CETN3: variants seen among roughly 807,000 people sequenced by gnomAD.
CETN3 encodes centrin 3.
CETN3 carries 17 observed loss-of-function variants against 20.1 expected under a neutral mutation model. The observed-to-expected ratio is 0.85, with a 90% CI of 0.58 to 1.27. The LOEUF (loss-of-function observed/expected upper bound fraction) is 1.27. Ranked by LOEUF, CETN3 falls within the 50% of genes most tolerant of loss-of-function variation. CETN3 has a pLI of 0.00. For synonymous variants in CETN3, 52 were observed against 59.7 expected, an observed-to-expected ratio of 0.87 and a Z score of 0.59; for missense variants, 169 against 191.2, an observed-to-expected ratio of 0.88 and a Z score of 0.69.
intron 3 of CETN3, among the ~76,000 whole-genome samples, chr5:90,401,775 T>C (rs1749297759): frequency 6.6e-6 from 1 of 152,182 alleles, no homozygotes; most frequent in Non-Finnish European, 1.5e-5. Flanking sequence ...AGATTCCATA[T>C]TTGAAAAGCA....
At chr5:90,405,982 A>G (rs957669497) in intron 2 of CETN3, among the ~76,000 whole-genome samples, 183 bp from the exon 3 acceptor site, 10 of 152,204 alleles carry the variant, frequency 6.6e-5, no homozygotes, top group Admixed American at 4.6e-4. Flanking sequence ...TTAAGTATGC[A>G]TAAGTTTTTT....
At chr5:90,403,664 G>T (rs891100353) in intron 3 of CETN3, among the ~76,000 whole-genome samples, 1 of 151,622 alleles carries the variant, frequency 6.6e-6, no homozygotes, top group Non-Finnish European at 1.5e-5. Flanking sequence ...GAGGTCAGGA[G>T]ATCGAGACCA....
rs762767114 is a variant in CETN3, at chr5:90,399,318, A to C, written c.460+40T>G. ...TAGAAAAATGTATTACATGTGTAGC[A>C]TCAGGAAAACCTGGAAAATACGTTT... On this transcript the variant is annotated intron_variant, in intron 4 of 4. Transcript: ENST00000283122. 5 of 1,594,924 alleles carry C rather than the reference A, an allele frequency of 3.1e-6. No individual in the cohort carries two copies. In the African/African-American group the frequency reaches 5.4e-5, roughly 17 times the overall value.
chr5:90,399,732 A>G (rs1042697010), intron 3 of CETN3, among the ~76,000 whole-genome samples, 183 bp from the exon 4 acceptor site: 3 of 152,210 alleles, frequency 2.0e-5, no homozygotes, highest in Non-Finnish European at 4.4e-5. Flanking sequence ...AATCAAATCC[A>G]TATTTTAAAT....
At chr5:90,408,356 T>C (rs1450160430) in intron 1 of CETN3, among the ~76,000 whole-genome samples, 2 of 152,254 alleles carry the variant, frequency 1.3e-5, no homozygotes, top group African/African-American at 4.8e-5. Context: ...TTTAGCACTG[T>C]TGGTTCAAAA....
intron 3 of CETN3, among the ~76,000 whole-genome samples, chr5:90,403,849 C>G (rs1235912267): frequency 8.9e-6 from 1 of 112,124 alleles, no homozygotes; most frequent in East Asian, 2.9e-4. Flanking sequence ...CCAGCCTGGG[C>G]GACAGAGCGA....
chr5:90,405,624 G>A (rs1197202263), intron 3 of CETN3, 61 bp downstream of exon 3: 7 of 1,063,274 alleles, frequency 6.6e-6, no homozygotes, highest in Non-Finnish European at 1.0e-5. Flanking sequence ...AATTTAAAAA[G>A]TGATATTAAT....
At chr5:90,404,817 T>C (rs1749391381) in intron 3 of CETN3, among the ~76,000 whole-genome samples, 1 of 151,384 alleles carries the variant, frequency 6.6e-6, no homozygotes, top group African/African-American at 2.4e-5. Context: ...ATTTTTAAAA[T>C]ATCTTAAAAT....
chr5:90,405,895 T>C, intron 2 of CETN3, 96 bp from the exon 3 acceptor site: 1 of 723,274 alleles, frequency 1.4e-6, no homozygotes, highest in Non-Finnish European at 2.3e-6. Context: ...GACAACACAT[T>C]AATAAAATAT....
Position 90,392,718 on chromosome 5 carries a change from C to T in CETN3, c.*1346G>A, listed in dbSNP as rs1047365556. 3 of 152,272 alleles carry T rather than the reference C, an allele frequency of 2.0e-5. No homozygotes were observed. Among genetic ancestry groups the T allele is most frequent in the Non-Finnish European group, 2.9e-5 (2 of 68,026 alleles). The allele number at this position is 152,272 out of a possible 1,614,324, so 9.4% of individuals were successfully genotyped here. A position where few individuals can be genotyped will look rare whatever the true frequency, so the allele number is the denominator to read the frequency against. On this transcript the variant is annotated 3_prime_UTR_variant, in exon 5 of 5. Transcript: ENST00000283122. ...ATGCTTCCTGTAAAGCCTGCAGAAC[C>T]GTAAGCCAATTAAGCTTCTTTTCTT...
chr5:90,394,944 G>A (rs1025014586), intron 4 of CETN3, among the ~76,000 whole-genome samples: 1 of 152,140 alleles, frequency 6.6e-6, no homozygotes, highest in Admixed American at 6.5e-5. Flanking sequence ...AGATACTTCT[G>A]GTAAGTATTT....
chr5:90,401,298 C>T (rs1420450710), intron 3 of CETN3, among the ~76,000 whole-genome samples: 1 of 152,098 alleles, frequency 6.6e-6, no homozygotes, highest in Non-Finnish European at 1.5e-5. Flanking sequence ...TAATGACTCT[C>T]CTCCATGCCT....
intron 3 of CETN3, among the ~76,000 whole-genome samples, chr5:90,400,505 A>G (rs1447472381): frequency 6.6e-6 from 1 of 151,804 alleles, no homozygotes; most frequent in Non-Finnish European, 1.5e-5. Context: ...TATATACACT[A>G]TCTGCCACTA....
At chr5:90,409,331 C>G (rs1749556918) in intron 1 of CETN3, among the ~76,000 whole-genome samples, 1 of 152,200 alleles carries the variant, frequency 6.6e-6, no homozygotes, top group Non-Finnish European at 1.5e-5. Flanking sequence ...GCGACCTGAT[C>G]TGAGAAACAA....
intron 3 of CETN3, among the ~76,000 whole-genome samples, chr5:90,404,753 CTTGA>C (rs1191215338): frequency 1.3e-5 from 2 of 151,396 alleles, no homozygotes; most frequent in African/African-American, 4.9e-5. Context: ...CCTATTGCTT[CTTGA>C]TTAATATTTA....
In CETN3 at chr5:90,392,303, A is replaced by G. The variant is rs1749037879; in HGVS notation, c.*1761T>C. 6.6e-6 allele frequency: 1 copy of G among 152,184 alleles called. No homozygotes were observed. Among genetic ancestry groups the G allele is most frequent in the Non-Finnish European group, 1.5e-5 (1 of 68,026 alleles). 9.4% of individuals were successfully genotyped at this position (152,184 alleles called of 1,614,324 possible). On this transcript the variant is annotated 3_prime_UTR_variant, in exon 5 of 5. Transcript: ENST00000283122. ...ATTTTTCACTTTCCTGGAAATCAAT[A>G]TATTTCATGATCAAGACAGAGGGAA...
chr5:90,395,900 A>T, intron 4 of CETN3: 1 of 920,684 alleles, frequency 1.1e-6, no homozygotes, highest in Non-Finnish European at 1.3e-6. Context: ...TGGTTCTAGA[A>T]ACCACATAGA....
At chr5:90,401,478 C>T (rs1749288098) in intron 3 of CETN3, among the ~76,000 whole-genome samples, 1 of 152,158 alleles carries the variant, frequency 6.6e-6, no homozygotes, top group African/African-American at 2.4e-5. Context: ...TTTAATTACA[C>T]ATACTATCAG....
intron 1 of CETN3, among the ~76,000 whole-genome samples, chr5:90,409,443 C>G (rs894275256): frequency 1.3e-5 from 2 of 152,198 alleles, no homozygotes; most frequent in African/African-American, 2.4e-5. Flanking sequence ...ACCTCCTTAG[C>G]AGAAATGCAC....
Sources: allele counts gnomAD v4.1 joint callset (sites outside exome capture counted in the v4.1 genomes callset), GRCh38; gene constraint gnomAD v4.1.1; transcripts MANE v1.5; gene names NCBI Gene and HGNC (gene_info 2026-07-23, HGNC 2026-07-21).